The following EIF4G3 variants were observed in gnomAD, a reference collection of about 807,000 sequenced individuals.
EIF4G3 encodes eukaryotic translation initiation factor 4 gamma 3.
EIF4G3 carries 34 observed loss-of-function variants against 186.4 expected under a neutral mutation model. The ratio of observed to expected loss-of-function variants is 0.18; its 90% confidence interval spans 0.14 to 0.24. EIF4G3 has a LOEUF of 0.24. EIF4G3 is among the 10% of genes least tolerant of loss of function. EIF4G3 has a pLI of 1.00. For synonymous variants in EIF4G3, 673 were observed against 679.5 expected (o/e 0.99, Z 0.15); for missense variants, 1,536 against 1,948.5 (o/e 0.79, Z 3.99).
intron 16 of EIF4G3, among the ~76,000 whole-genome samples, chr1:20,898,547 T>C (rs1464670572): frequency 6.6e-6 from 1 of 152,148 alleles, no homozygotes; most frequent in Non-Finnish European, 1.5e-5. Flanking sequence ...ATATTATCCT[T>C]TTTTAAAATG....
intron 3 of EIF4G3, among the ~76,000 whole-genome samples, chr1:21,068,672 T>TG (rs1391792765): frequency 3.3e-5 from 5 of 152,100 alleles, no homozygotes; most frequent in South Asian, 4.1e-4. Context: ...CAACTAACAA[T>TG]GGGGAATGTA....
rs35907806 is a variant in EIF4G3, at chr1:20,869,774, CAAAAAAAAAA to C, written c.2623-4522_2623-4513del. Among the ~76,000 whole-genome samples the C allele has an allele frequency of 8.9e-3, 431 of 48,650 alleles. 2 individuals are homozygous for C. Among genetic ancestry groups the C allele is most frequent in the Middle Eastern group, 0.032 (2 of 62 alleles). The allele number at this position is 48,650 out of a possible 152,430, so 31.9% of individuals were successfully genotyped here. A position where few individuals can be genotyped will look rare whatever the true frequency, so the allele number is the denominator to read the frequency against. On this transcript the variant is annotated intron_variant, in intron 20 of 36. Coordinates refer to ENST00000602326, the MANE Select transcript of EIF4G3 (RefSeq NM_001391906.1). ...TGGGTGAAAGAGCAAGACTACGTCT[CAAAAAAAAAA>C]AAAAAAAAAAAAAGTGAAGTAAACA...
At position 20,886,234 on chromosome 1, in the gene EIF4G3, G is replaced by C. The variant is rs918565802; in HGVS notation, c.2391C>G (p.Ser797Arg). 6.2e-7 allele frequency: 1 copy of C among 1,613,682 alleles called. No individual in the cohort carries two copies. Among genetic ancestry groups the C allele is most frequent in the Non-Finnish European group, 8.5e-7 (1 of 1,179,828 alleles). Reference protein sequence around the residue: ...NAWKPSQKRDSQADDPENIKT... With the variant: ...NAWKPSQKRDRQADDPENIKT... ...TAATGTTTTCGGGATCATCGGCTTG[G>C]CTGTCTCGTTTTTGGCTTGGCTTCC... is the stretch of plus-strand genomic sequence containing the variant. Residue 797 changes from serine (S) to arginine (R), a missense_variant, in exon 19 of 37, where the codon AGC (serine) becomes AGG (arginine). Transcript: ENST00000602326.
At chr1:21,135,489 G>A (rs1003334103) in intron 2 of EIF4G3, among the ~76,000 whole-genome samples, 6 of 152,120 alleles carry the variant, frequency 3.9e-5, no homozygotes, top group African/African-American at 1.4e-4. Flanking sequence ...CAACAAGAGC[G>A]AAACTCCGTC....
chr1:20,931,076 G>A (rs766205628), intron 14 of EIF4G3, among the ~76,000 whole-genome samples: 5 of 151,840 alleles, frequency 3.3e-5, no homozygotes, highest in Non-Finnish European at 5.9e-5. Flanking sequence ...TGAAGTAGGG[G>A]CAAAACTGGA....
intron 14 of EIF4G3, among the ~76,000 whole-genome samples, chr1:20,932,789 C>T (rs958774943): frequency 1.3e-4 from 20 of 152,066 alleles, no homozygotes; most frequent in Non-Finnish European, 2.6e-4. Context: ...AATGAAAGGT[C>T]TGAAATACTG....
Position 20,899,882 on chromosome 1 carries a change from C to A in EIF4G3, c.1814G>T (p.Ser605Ile), listed in dbSNP as rs138284879. The change falls in exon 16 of 37, where the codon AGC becomes ATC. Residue 605 changes from serine (S) to isoleucine (I), a missense_variant. Physicochemically the swap from Ser to Ile is moderately radical, Grantham distance 142. Coordinates refer to ENST00000602326, the MANE Select transcript of EIF4G3 (RefSeq NM_001391906.1). Reference protein sequence around the residue: ...KVLESEQDKMSQGFHPERDPS... With the variant: ...KVLESEQDKMIQGFHPERDPS... Reference sequence around the variant, plus strand: ...GTCTCTTTCAGGATGAAACCCCTGGCTCATTTTATCTTGTTCAGATTCAAG... The same window carrying A: ...GTCTCTTTCAGGATGAAACCCCTGGATCATTTTATCTTGTTCAGATTCAAG... The A allele has an allele frequency of 1.9e-6, 3 of 1,614,004 alleles. No homozygotes were observed. Among genetic ancestry groups the A allele is most frequent in the African/African-American group, 2.7e-5 (2 of 75,000 alleles).
intron 30 of EIF4G3, among the ~76,000 whole-genome samples, chr1:20,832,577 G>A (rs1438940502): frequency 6.8e-6 from 1 of 147,330 alleles, no homozygotes; most frequent in Admixed American, 6.8e-5. Context: ...TCACTCTGAT[G>A]GTAGTTTCTT....
intron 29 of EIF4G3, among the ~76,000 whole-genome samples, chr1:20,843,733 C>T (rs186710460): frequency 1.2e-3 from 179 of 152,202 alleles, no homozygotes; most frequent in Admixed American, 2.4e-3. Flanking sequence ...GTTTGCTGTA[C>T]GGATTATTTC....
intron 3 of EIF4G3, among the ~76,000 whole-genome samples, chr1:21,086,975 G>A (rs922746711): frequency 6.6e-6 from 1 of 151,190 alleles, no homozygotes; most frequent in African/African-American, 2.4e-5. Context: ...ATGGCCTGAT[G>A]GACATCTGGG....
At chr1:20,920,251 A>T (rs2094376479) in intron 14 of EIF4G3, among the ~76,000 whole-genome samples, 1 of 152,232 alleles carries the variant, frequency 6.6e-6, no homozygotes, top group Admixed American at 6.5e-5. Context: ...CATTTAACTA[A>T]GTTTTTAAAA....
intron 2 of EIF4G3, among the ~76,000 whole-genome samples, chr1:21,119,646 C>T (rs947737710): frequency 3.9e-5 from 6 of 152,106 alleles, no homozygotes; most frequent in South Asian, 2.1e-4. Context: ...TAGATATAAC[C>T]ATAACCTATA....
At chr1:20,959,254 C>G (rs2096514124) in intron 12 of EIF4G3, among the ~76,000 whole-genome samples, 1 of 152,088 alleles carries the variant, frequency 6.6e-6, no homozygotes, top group Non-Finnish European at 1.5e-5. Context: ...GCCAACTGAT[C>G]TTCAACAAAG....
At chr1:21,138,861 C>T (rs530706677) in intron 2 of EIF4G3, among the ~76,000 whole-genome samples, 1 of 152,184 alleles carries the variant, frequency 6.6e-6, no homozygotes, top group South Asian at 2.1e-4. Flanking sequence ...TAGCTAAATA[C>T]TATCATTGCC....
intron 15 of EIF4G3, among the ~76,000 whole-genome samples, chr1:20,902,503 G>T (rs2090680607): frequency 6.6e-6 from 1 of 152,110 alleles, no homozygotes; most frequent in African/African-American, 2.4e-5. Context: ...TGGAAATGAA[G>T]ACAATGGCAT....
chr1:21,113,123 C>T (rs998059317), intron 2 of EIF4G3, among the ~76,000 whole-genome samples: 1 of 121,420 alleles, frequency 8.2e-6, no homozygotes, highest in East Asian at 2.7e-4. Context: ...TGTACTCCGG[C>T]CTGGCTGATA....
chr1:21,131,979 A>AT (rs1291212882), intron 2 of EIF4G3, among the ~76,000 whole-genome samples: 2 of 151,978 alleles, frequency 1.3e-5, no homozygotes, highest in South Asian at 2.1e-4. Context: ...CAAAAAAAAA[A>AT]TTTTTTTAAT....
intron 3 of EIF4G3, among the ~76,000 whole-genome samples, chr1:21,067,554 T>C (rs555979706): frequency 4.6e-5 from 7 of 152,272 alleles, no homozygotes; most frequent in South Asian, 4.1e-4. Flanking sequence ...GCAGATACCA[T>C]GATGGGTAGA....
chr1:20,831,854 C>T (rs1224388319), intron 30 of EIF4G3, among the ~76,000 whole-genome samples: 2 of 143,278 alleles, frequency 1.4e-5, no homozygotes, highest in African/African-American at 2.6e-5. Context: ...TGAGAATATG[C>T]GGTGTTTGGT....
Sources: allele counts gnomAD v4.1 joint callset (sites outside exome capture counted in the v4.1 genomes callset), GRCh38; gene constraint gnomAD v4.1.1; transcripts MANE v1.5; gene names NCBI Gene and HGNC (gene_info 2026-07-23, HGNC 2026-07-21).